Variants in TBC1D5 observed in about 807,000 individuals in gnomAD.
TBC1D5 encodes TBC1 domain family, member 5.
Under a neutral mutation model 100.3 loss-of-function variants are expected in TBC1D5, and 75 were observed. That is an observed-to-expected ratio of 0.75 (90% CI 0.62 to 0.91). TBC1D5 has a LOEUF of 0.91. Ranked by LOEUF, TBC1D5 falls within the 40% of genes least tolerant of loss-of-function variation. The pLI is 0.00. For missense variants in TBC1D5, 910 were observed against 942.4 expected, an observed-to-expected ratio of 0.97 and a Z score of 0.45; for synonymous variants, 323 against 325.6, an observed-to-expected ratio of 0.99 and a Z score of 0.09.
At chr3:17,172,967 G>A (rs1332750271) in intron 19 of TBC1D5, among the ~76,000 whole-genome samples, 1 of 152,046 alleles carries the variant, frequency 6.6e-6, no homozygotes, top group African/African-American at 2.4e-5. Context: ...ATGCCTGAGG[G>A]GTAATAACAG....
chr3:17,325,281 AAAAG>A (rs1214215655), intron 13 of TBC1D5, among the ~76,000 whole-genome samples: 2 of 148,316 alleles, frequency 1.3e-5, no homozygotes, highest in Non-Finnish European at 3.0e-5. Context: ...AAAAAAAAAA[AAAAG>A]AAATGAACTA....
At chr3:17,277,781 CAGATAG>C (rs2080176089) in intron 15 of TBC1D5, among the ~76,000 whole-genome samples, 2 of 152,162 alleles carry the variant, frequency 1.3e-5, no homozygotes, top group African/African-American at 4.8e-5. Flanking sequence ...AGGAAGAAGA[CAGATAG>C]CTCCAAAGTG....
chr3:17,582,698 A>T (rs1197554919), intron 2 of TBC1D5, among the ~76,000 whole-genome samples: 3 of 151,958 alleles, frequency 2.0e-5, no homozygotes, highest in African/African-American at 7.2e-5. Flanking sequence ...AAAAAAAAAA[A>T]ATACAGGCAT....
intron 13 of TBC1D5, among the ~76,000 whole-genome samples, chr3:17,325,418 G>A (rs1384904432): frequency 1.3e-5 from 2 of 151,742 alleles, no homozygotes; most frequent in East Asian, 3.9e-4. Flanking sequence ...CACCTCCTGG[G>A]TTGAAGCGAT....
chr3:17,268,560 G>A (rs763363155), intron 15 of TBC1D5, among the ~76,000 whole-genome samples: 2 of 152,018 alleles, frequency 1.3e-5, no homozygotes, highest in Non-Finnish European at 2.9e-5. Context: ...ATGATCATTA[G>A]TATAATTTTA....
chr3:17,713,523 T>C (rs971160208), intron 1 of TBC1D5, among the ~76,000 whole-genome samples: 1 of 152,196 alleles, frequency 6.6e-6, no homozygotes, highest in African/African-American at 2.4e-5. Flanking sequence ...ATTACAGGCA[T>C]GAGCCACTGT....
intron 3 of TBC1D5, among the ~76,000 whole-genome samples, chr3:17,484,941 A>T (rs1468939731): frequency 6.6e-6 from 1 of 152,124 alleles, no homozygotes; most frequent in Non-Finnish European, 1.5e-5. Context: ...AATTAAAGAG[A>T]ATAATATATT....
chr3:17,677,663 T>A (rs1343688144), intron 1 of TBC1D5, among the ~76,000 whole-genome samples: 2 of 152,210 alleles, frequency 1.3e-5, no homozygotes, highest in African/African-American at 4.8e-5. Context: ...CCCAAAGGAT[T>A]ATAAATCATG....
At chr3:17,273,822 A>C (rs916214035) in intron 15 of TBC1D5, among the ~76,000 whole-genome samples, 1 of 151,662 alleles carries the variant, frequency 6.6e-6, no homozygotes, top group African/African-American at 2.4e-5. Context: ...AAAAAAAAAA[A>C]AAAAAATTGC....
Position 17,270,862 on chromosome 3 carries a change from T to C in TBC1D5, c.1246-12271A>G, listed in dbSNP as rs561595639. 3.2e-4 allele frequency among the ~76,000 whole-genome samples: 48 copies of C among 152,346 alleles called. 1 individual carries two copies. The highest frequency in any genetic ancestry group is 1.2e-3 in the Admixed American group (19 of 15,294). On this transcript the variant is annotated intron_variant, in intron 15 of 21. Transcript: ENST00000253692. The stretch of plus-strand genomic sequence containing the variant: ...AGCCAGTTTTCCCAGCACCACTTAT[T>C]GAATAGAGAGTCTTTTCCCCATTGC...
intron 3 of TBC1D5, among the ~76,000 whole-genome samples, chr3:17,476,838 A>G (rs2095443524): frequency 6.6e-6 from 1 of 151,942 alleles, no homozygotes; most frequent in Admixed American, 6.5e-5. Flanking sequence ...TTGAAGGTTT[A>G]CTCATATTTT....
intron 17 of TBC1D5, among the ~76,000 whole-genome samples, chr3:17,220,038 T>A (rs996371436): frequency 2.0e-5 from 3 of 152,050 alleles, no homozygotes; most frequent in Admixed American, 1.3e-4. Flanking sequence ...GAGGAAAAAA[T>A]TTCTGTTAAC....
chr3:17,536,289 T>C (rs1258602868), intron 2 of TBC1D5, among the ~76,000 whole-genome samples: 2 of 152,154 alleles, frequency 1.3e-5, no homozygotes, highest in Admixed American at 1.3e-4. Context: ...ACAACTTTTA[T>C]CTGTTAAAGA....
At chr3:17,725,733 CA>C (rs1234575584) in intron 1 of TBC1D5, among the ~76,000 whole-genome samples, 1 of 152,128 alleles carries the variant, frequency 6.6e-6, no homozygotes, top group African/African-American at 2.4e-5. Flanking sequence ...ATTTTAGGTT[CA>C]GGGGTACATG....
chr3:17,527,094 G>C (rs1272168462), intron 2 of TBC1D5, among the ~76,000 whole-genome samples: 1 of 152,168 alleles, frequency 6.6e-6, no homozygotes, highest in Admixed American at 6.5e-5. Context: ...TCTAGGAAAA[G>C]ACAGTAAGAC....
chr3:17,570,459 C>T (rs2096620132), intron 2 of TBC1D5, among the ~76,000 whole-genome samples: 1 of 151,884 alleles, frequency 6.6e-6, no homozygotes, highest in East Asian at 1.9e-4. Context: ...CTGTTTATAA[C>T]ACTATTTTCT....
At chr3:17,610,440 G>C (rs1000857950) in intron 2 of TBC1D5, among the ~76,000 whole-genome samples, 2 of 152,106 alleles carry the variant, frequency 1.3e-5, no homozygotes, top group Non-Finnish European at 2.9e-5. Context: ...GCCTGCCTCA[G>C]CCTCTCAAAG....
rs549282438 is a variant in TBC1D5, at chr3:17,309,861, G to A, written c.996-1727C>T. On this transcript the variant is annotated intron_variant, in intron 13 of 21. Coordinates refer to ENST00000253692, the Ensembl canonical transcript of TBC1D5. Reference sequence around the variant, plus strand: ...GCCCTTGTTCAAAGGATTTTTAACCGATACAAATGTTTGCACTCTTAAACG... The same window carrying A: ...GCCCTTGTTCAAAGGATTTTTAACCAATACAAATGTTTGCACTCTTAAACG... 1.1e-4 allele frequency among the ~76,000 whole-genome samples: 17 copies of A among 152,124 alleles called. No homozygotes were observed. In the East Asian group the frequency reaches 2.9e-3, roughly 26 times the overall value.
intron 3 of TBC1D5, among the ~76,000 whole-genome samples, chr3:17,478,353 C>CTA (rs1190152442): frequency 1.3e-5 from 2 of 152,106 alleles, no homozygotes; most frequent in Non-Finnish European, 2.9e-5. Flanking sequence ...CCTTCCTAAA[C>CTA]ATATGACATT....
Sources: gnomAD v4.1 joint callset for allele counts (sites outside exome capture counted in the v4.1 genomes callset) on GRCh38, gnomAD v4.1.1 for gene constraint, MANE v1.5 for transcripts, NCBI Gene and HGNC (gene_info 2026-07-23, HGNC 2026-07-21) for gene names.